The following JARID2 variants were observed in gnomAD, a reference collection of about 807,000 sequenced individuals.
JARID2 encodes jumonji and AT-rich interaction domain containing 2, also known as protein Jumonji.
In JARID2, 21 loss-of-function variants were observed where a neutral mutation model predicts 125.6. That is an observed-to-expected ratio of 0.17 (90% confidence interval 0.12 to 0.24). The LOEUF (loss-of-function observed/expected upper bound fraction) is 0.24. Ranked by LOEUF, JARID2 falls within the 10% of genes least tolerant of loss-of-function variation. JARID2 has a pLI of 1.00. For missense variants in JARID2, 1,303 were observed against 1,639.6 expected, an observed-to-expected ratio of 0.79 and a Z score of 3.55; for synonymous variants, 736 against 661.6, an observed-to-expected ratio of 1.11 and a Z score of -1.73.
At chr6:15,457,225 TAGAG>T (rs751664055) in intron 4 of JARID2, among the ~76,000 whole-genome samples, 77 of 152,360 alleles carry the variant, frequency 5.1e-4, no homozygotes, top group Non-Finnish European at 1.0e-3. Context: ...GATGCACATT[TAGAG>T]AGATTTCCAC....
chr6:15,476,642 G>T (rs1769354001), intron 5 of JARID2, among the ~76,000 whole-genome samples: 1 of 152,146 alleles, frequency 6.6e-6, no homozygotes, highest in South Asian at 2.1e-4. Flanking sequence ...TTAACCTTGG[G>T]TTAGCACTCA....
intron 12 of JARID2, among the ~76,000 whole-genome samples, chr6:15,508,749 T>TA (rs1160088704): frequency 1.3e-5 from 2 of 152,242 alleles, no homozygotes; most frequent in African/African-American, 4.8e-5. Context: ...CCTTAAGAAT[T>TA]ACCTACTTAC....
intron 3 of JARID2, among the ~76,000 whole-genome samples, chr6:15,420,786 T>G (rs897140638): frequency 2.6e-5 from 4 of 152,254 alleles, no homozygotes; most frequent in Non-Finnish European, 5.9e-5. Flanking sequence ...CAGTGTTTAC[T>G]GTGAGGCATT....
rs1554118143 is a variant in JARID2, at chr6:15,275,544, C to CG, written c.45+28961dup. On this transcript the variant is annotated intron_variant, in intron 1 of 17. Transcript: ENST00000341776. ...TTACCGCCCCCCCCGCCCCCCCCCC[C>CG]GTCTTTTGCCTCTTCAATGACCAGG... Among the ~76,000 whole-genome samples the CG allele has an allele frequency of 2.7e-4, 26 of 94,688 alleles. 1 individual carries two copies. Among genetic ancestry groups the CG allele is most frequent in the Admixed American group, 4.6e-4 (4 of 8,714 alleles). The allele number at this position is 94,688 out of a possible 152,430, so 62.1% of individuals were successfully genotyped here.
At chr6:15,377,291 C>T (rs970495467) in intron 2 of JARID2, among the ~76,000 whole-genome samples, 3 of 152,030 alleles carry the variant, frequency 2.0e-5, no homozygotes, top group African/African-American at 7.3e-5. Flanking sequence ...ATGGCAGTGG[C>T]AAGAGAAAAT....
chr6:15,337,562 C>A (rs994067206), intron 1 of JARID2, among the ~76,000 whole-genome samples: 2 of 152,184 alleles, frequency 1.3e-5, no homozygotes, highest in African/African-American at 2.4e-5. Context: ...TCGTCTGCCA[C>A]ACCAATGGAA....
intron 1 of JARID2, among the ~76,000 whole-genome samples, chr6:15,366,832 A>T (rs1763997251): frequency 6.6e-6 from 1 of 152,084 alleles, no homozygotes; most frequent in Non-Finnish European, 1.5e-5. Context: ...TTGTTATTTA[A>T]AACATTGGTG....
intron 2 of JARID2, among the ~76,000 whole-genome samples, chr6:15,406,357 C>A (rs1172652605): frequency 1.3e-5 from 2 of 152,190 alleles, no homozygotes; most frequent in African/African-American, 4.8e-5. Flanking sequence ...CTGCTTGAAC[C>A]TGGGAGGCGG....
At chr6:15,343,183 C>T (rs374820473) in intron 1 of JARID2, among the ~76,000 whole-genome samples, 43 of 132,630 alleles carry the variant, frequency 3.2e-4, no homozygotes, top group African/African-American at 1.1e-3. Flanking sequence ...GAGCCGAGAT[C>T]GTGCCATTGC....
At chr6:15,344,480 T>G (rs1018849059) in intron 1 of JARID2, among the ~76,000 whole-genome samples, 1 of 151,424 alleles carries the variant, frequency 6.6e-6, no homozygotes, top group Non-Finnish European at 1.5e-5. Flanking sequence ...CCAACGCAGC[T>G]GTATTGCTAT....
intron 3 of JARID2, among the ~76,000 whole-genome samples, chr6:15,425,727 A>G (rs1180246956): frequency 1.3e-5 from 2 of 152,172 alleles, no homozygotes; most frequent in Non-Finnish European, 2.9e-5. Context: ...TCTGTTCTTT[A>G]TATGTTACGC....
intron 3 of JARID2, among the ~76,000 whole-genome samples, chr6:15,428,630 G>C (rs180944165): frequency 1.9e-3 from 293 of 152,272 alleles, no homozygotes; most frequent in South Asian, 5.2e-3. Flanking sequence ...CTAGTGCCAG[G>C]CATGGTGGCT....
chr6:15,377,809 G>T (rs1764415985), intron 2 of JARID2, among the ~76,000 whole-genome samples: 2 of 151,134 alleles, frequency 1.3e-5, no homozygotes, highest in South Asian at 2.1e-4. Flanking sequence ...TGGGATTATG[G>T]GTGTGAGCCA....
intron 1 of JARID2, among the ~76,000 whole-genome samples, chr6:15,287,751 T>C (rs539084838): frequency 6.6e-6 from 1 of 152,320 alleles, no homozygotes; most frequent in South Asian, 2.1e-4. Context: ...TGTCATTTCC[T>C]CGAGGAGACA....
chr6:15,310,212 A>G (rs1761967847), intron 1 of JARID2, among the ~76,000 whole-genome samples: 1 of 152,226 alleles, frequency 6.6e-6, no homozygotes, highest in South Asian at 2.1e-4. Flanking sequence ...AGAGCAAAAC[A>G]AGCATGTGAT....
intron 1 of JARID2, among the ~76,000 whole-genome samples, chr6:15,328,202 A>C (rs559064502): frequency 1.3e-5 from 2 of 152,204 alleles, no homozygotes; most frequent in East Asian, 3.9e-4. Flanking sequence ...AGGTCCGAAG[A>C]AGCAAAGATC....
intron 2 of JARID2, among the ~76,000 whole-genome samples, chr6:15,379,374 A>G (rs928330577): frequency 6.6e-6 from 1 of 152,192 alleles, no homozygotes; most frequent in African/African-American, 2.4e-5. Context: ...ATAAATTGAC[A>G]AAAGCTTTGG....
chr6:15,502,814 G>A (rs952757156), intron 8 of JARID2, among the ~76,000 whole-genome samples: 1 of 152,186 alleles, frequency 6.6e-6, no homozygotes, highest in Non-Finnish European at 1.5e-5. Context: ...GCCTGGTGGG[G>A]ATGCGGTGTG....
At chr6:15,513,105 C>T in intron 15 of JARID2, 60 bp downstream of exon 15, 4 of 1,605,752 alleles carry the variant, frequency 2.5e-6, no homozygotes, top group Non-Finnish European at 2.6e-6. Flanking sequence ...CGGGGGCTCA[C>T]CCCCCGAGCA....
Sources: allele counts gnomAD v4.1 joint callset (sites outside exome capture counted in the v4.1 genomes callset), GRCh38; gene constraint gnomAD v4.1.1; transcripts MANE v1.5; gene names NCBI Gene and HGNC (gene_info 2026-07-23, HGNC 2026-07-21).